WAPL: variants seen among roughly 807,000 people sequenced by gnomAD.
WAPL encodes WAPL cohesin release factor, also known as wings apart-like protein homolog.
WAPL carries 5 observed loss-of-function variants against 121.0 expected under a neutral mutation model. The observed-to-expected ratio is 0.04, with a 90% confidence interval of 0.02 to 0.09. The LOEUF is 0.09. Ranked by LOEUF, WAPL falls within the 10% of genes least tolerant of loss-of-function variation. WAPL has a pLI of 1.00. For missense variants in WAPL, 999 were observed against 1,410.8 expected (o/e 0.71, Z 4.68); for synonymous variants, 480 against 481.5 (o/e 1.00, Z 0.04).
intron 16 of WAPL, chr10:86,443,606 C>T (rs1849528445): frequency 2.3e-6 from 1 of 437,660 alleles, no homozygotes; most frequent in African/African-American, 2.0e-5. Context: ...AATTAACAAA[C>T]TGAAAAGATT....
At chr10:86,452,211 G>A (rs1350544613) in intron 14 of WAPL, 80 bp from the exon 15 acceptor site, 13 of 1,379,630 alleles carry the variant, frequency 9.4e-6, no homozygotes, top group Non-Finnish European at 1.2e-5. Context: ...ATTTTTAATG[G>A]CAACTAAAAA....
intron 2 of WAPL, among the ~76,000 whole-genome samples, chr10:86,515,305 A>C (rs565056287): frequency 2.0e-5 from 3 of 151,784 alleles, no homozygotes; most frequent in Non-Finnish European, 4.4e-5. Flanking sequence ...TGGAACAACA[A>C]ACACAAGCAG....
chr10:86,519,443 T>C (rs1324292368), intron 1 of WAPL, among the ~76,000 whole-genome samples: 1 of 152,242 alleles, frequency 6.6e-6, no homozygotes, highest in Non-Finnish European at 1.5e-5. Flanking sequence ...TAACTTAAAT[T>C]CTTACCATTT....
At chr10:86,458,828 C>A (rs931003380) in intron 12 of WAPL, among the ~76,000 whole-genome samples, 161 bp downstream of exon 12, 1 of 152,152 alleles carries the variant, frequency 6.6e-6, no homozygotes, top group African/African-American at 2.4e-5. Flanking sequence ...TGTCCAAAAT[C>A]TGTACTCTTA....
intron 11 of WAPL, among the ~76,000 whole-genome samples, chr10:86,459,334 G>C (rs1331483369): frequency 6.6e-6 from 1 of 152,132 alleles, no homozygotes; most frequent in Non-Finnish European, 1.5e-5. Flanking sequence ...CAAACACACT[G>C]AATGTCAGAA....
In WAPL at chr10:86,436,186, T is replaced by C. The variant is rs1849316415; in HGVS notation, c.*1357A>G. On this transcript the variant is annotated 3_prime_UTR_variant, in exon 19 of 19. Transcript: ENST00000298767. The stretch of plus-strand genomic sequence containing the variant: ...ATACAAGAGCCCCGATTTGTCACTT[T>C]ATACAAGGAAATAACAAAGTCTAAA... The C allele has an allele frequency of 6.6e-6, 1 of 152,660 alleles. No individual in the cohort carries two copies. The highest frequency in any genetic ancestry group is 2.1e-4 in the South Asian group (1 of 4,834). The allele number at this position is 152,660 out of a possible 1,614,324, so 9.5% of individuals were successfully genotyped here.
chr10:86,479,108 AAAAC>A (rs984780368), intron 4 of WAPL, among the ~76,000 whole-genome samples: 31 of 150,730 alleles, frequency 2.1e-4, no homozygotes, highest in African/African-American at 7.1e-4. Flanking sequence ...CAAAAAAACA[AAAAC>A]AAACAAAAAA....
chr10:86,449,051 C>T (rs141099280), intron 15 of WAPL, among the ~76,000 whole-genome samples: 1,858 of 152,170 alleles, frequency 0.012, 21 homozygotes, highest in Middle Eastern at 0.037. Flanking sequence ...TTTTTTCCCC[C>T]ACTACGTATG....
chr10:86,440,695 A>C (rs1055399825), intron 17 of WAPL, among the ~76,000 whole-genome samples: 1 of 152,090 alleles, frequency 6.6e-6, no homozygotes, highest in African/African-American at 2.4e-5. Context: ...AATAAGAAAA[A>C]GGGATATAAA....
At chr10:86,462,897 G>A (rs963125352) in intron 9 of WAPL, among the ~76,000 whole-genome samples, 1 of 152,158 alleles carries the variant, frequency 6.6e-6, no homozygotes, top group African/African-American at 2.4e-5. Flanking sequence ...GAAGCCTAAT[G>A]AGGCATTCTT....
At chr10:86,490,115 G>A (rs537029241) in intron 4 of WAPL, among the ~76,000 whole-genome samples, 51 of 151,978 alleles carry the variant, frequency 3.4e-4, no homozygotes, top group African/African-American at 1.2e-3. Context: ...CTGGGAGGCC[G>A]AGGCAGGAGA....
chr10:86,467,824 G>T (rs1050820433), intron 8 of WAPL, among the ~76,000 whole-genome samples: 51 of 151,930 alleles, frequency 3.4e-4, no homozygotes, highest in African/African-American at 1.1e-3. Context: ...CTACTGGTGT[G>T]TGCCACCACG....
At chr10:86,460,879 A>C (rs1841254763) in intron 10 of WAPL, among the ~76,000 whole-genome samples, 2 of 152,056 alleles carry the variant, frequency 1.3e-5, no homozygotes. Context: ...ACGCCTGGCT[A>C]GTTTTGTATT....
chr10:86,498,396 T>C (rs886729818), intron 3 of WAPL, among the ~76,000 whole-genome samples: 1 of 152,120 alleles, frequency 6.6e-6, no homozygotes, highest in African/African-American at 2.4e-5. Context: ...TGTATTTCTT[T>C]TTTCTTTTTT....
intron 11 of WAPL, 31 bp downstream of exon 11, chr10:86,460,365 GAAT>G (rs1216612154): frequency 4.7e-5 from 72 of 1,548,358 alleles, no homozygotes; most frequent in Non-Finnish European, 6.0e-5. Context: ...AATTAAGACT[GAAT>G]AATTTTTGCC....
At chr10:86,441,342 C>A (rs915283027) in intron 17 of WAPL, among the ~76,000 whole-genome samples, 3 of 152,100 alleles carry the variant, frequency 2.0e-5, no homozygotes, top group Non-Finnish European at 4.4e-5. Flanking sequence ...GCTGACTCAG[C>A]CTGATTGTCT....
chr10:86,484,784 C>T (rs928307401), intron 4 of WAPL, among the ~76,000 whole-genome samples: 1 of 152,158 alleles, frequency 6.6e-6, no homozygotes, highest in African/African-American at 2.4e-5. Context: ...CAACTGCCTA[C>T]AATATTCAGT....
In WAPL at chr10:86,499,775, G is replaced by C; in HGVS notation, c.1468C>G (p.Pro490Ala). 1.2e-6 allele frequency: 2 copies of C among 1,606,042 alleles called. No homozygotes were observed. The highest frequency in any genetic ancestry group is 1.7e-6 in the Non-Finnish European group (2 of 1,177,690). ...TKTAPSPSLQ[P>A]PPESNDNSQD... ...GAATTATCATTGCTTTCTGGGGGAG[G>C]CTGCAAGGAGGGTGATGGAGCTGTT... Residue 490 changes from proline to alanine, a missense_variant, in exon 3 of 19, where the codon CCT becomes GCT. Around this residue, in one of 7 missense-constraint regions of WAPL, gnomAD observed 531 missense variants for 563.1 expected, o/e 0.94. Coordinates refer to ENST00000298767, the MANE Select transcript of WAPL (RefSeq NM_015045.5).
At chr10:86,477,923 T>C (rs1841696604) in intron 4 of WAPL, among the ~76,000 whole-genome samples, 1 of 150,806 alleles carries the variant, frequency 6.6e-6, no homozygotes, top group South Asian at 2.1e-4. Flanking sequence ...CGCATGGTGG[T>C]AGGTGCCTGT....
Sources: gnomAD v4.1 joint callset for allele counts (sites outside exome capture counted in the v4.1 genomes callset) on GRCh38, gnomAD v4.1.1 for gene constraint, gnomAD v4.1.1 regional missense constraint, MANE v1.5 for transcripts, NCBI Gene and HGNC (gene_info 2026-07-23, HGNC 2026-07-21) for gene names.